ZCWPW2: variants seen among roughly 807,000 people sequenced by gnomAD.
ZCWPW2 encodes zinc finger CW-type and PWWP domain containing 2.
ZCWPW2 carries 45 observed loss-of-function variants against 46.6 expected under a neutral mutation model. That is an observed-to-expected ratio of 0.96 (90% CI 0.76 to 1.24). ZCWPW2 has a LOEUF of 1.24. Among genes scored for constraint, ZCWPW2 ranks in the 50% most tolerant of loss-of-function variants. The pLI, the probability that ZCWPW2 is intolerant of heterozygous loss-of-function variation, is 0.00. For missense variants in ZCWPW2, 429 were observed against 403.9 expected (o/e 1.06, Z -0.53); for synonymous variants, 152 against 137.1 (o/e 1.11, Z -0.76).
chr3:28,473,286 C>T (rs1219899448), intron 4 of ZCWPW2, among the ~76,000 whole-genome samples: 1 of 152,022 alleles, frequency 6.6e-6, no homozygotes, highest in East Asian at 1.9e-4. Flanking sequence ...GACCAGCCCG[C>T]CCAACATGAC....
chr3:28,475,867 C>T (rs929430126), intron 4 of ZCWPW2, among the ~76,000 whole-genome samples: 6 of 152,118 alleles, frequency 3.9e-5, no homozygotes, highest in African/African-American at 1.4e-4. Flanking sequence ...ATCACCCTGA[C>T]TTTGCCTTAC....
At chr3:28,350,688 CAAATA>C (rs1391988185) in intron 1 of ZCWPW2, among the ~76,000 whole-genome samples, 1 of 149,164 alleles carries the variant, frequency 6.7e-6, no homozygotes, top group Admixed American at 6.7e-5. Context: ...TTAACTTTCT[CAAATA>C]AAATAAATTG....
At chr3:28,490,286 A>T (rs1218078341) in intron 5 of ZCWPW2, among the ~76,000 whole-genome samples, 2 of 152,276 alleles carry the variant, frequency 1.3e-5, no homozygotes, top group East Asian at 3.9e-4. Flanking sequence ...TTAAAACAGA[A>T]CCATCATTTG....
intron 2 of ZCWPW2, among the ~76,000 whole-genome samples, chr3:28,401,498 G>A (rs1695934470): frequency 6.6e-6 from 1 of 152,138 alleles, no homozygotes; most frequent in South Asian, 2.1e-4. Context: ...GGGGACTTCA[G>A]TACTCCACTG....
At chr3:28,379,250 A>T (rs1425522178) in intron 1 of ZCWPW2, among the ~76,000 whole-genome samples, 1 of 152,214 alleles carries the variant, frequency 6.6e-6, no homozygotes, top group Non-Finnish European at 1.5e-5. Context: ...GAAGTGATGG[A>T]GATATCCTTG....
intron 6 of ZCWPW2, among the ~76,000 whole-genome samples, chr3:28,501,783 C>CT (rs576938968): frequency 1.4e-4 from 22 of 152,198 alleles, no homozygotes; most frequent in African/African-American, 4.8e-4. Flanking sequence ...TGAGACAAGG[C>CT]TGTCGCCCAG....
At chr3:28,453,771 A>G (rs1337206270) in intron 4 of ZCWPW2, among the ~76,000 whole-genome samples, 1 of 151,202 alleles carries the variant, frequency 6.6e-6, no homozygotes, top group Non-Finnish European at 1.5e-5. Context: ...TCAAAATCGT[A>G]TAATTGTGAA....
At chr3:28,434,690 TC>T (rs1192527488) in intron 3 of ZCWPW2, among the ~76,000 whole-genome samples, 1 of 152,194 alleles carries the variant, frequency 6.6e-6, no homozygotes, top group Non-Finnish European at 1.5e-5. Context: ...ACCAGCTCTC[TC>T]CCACGCCATC....
intron 4 of ZCWPW2, 50 bp from the exon 5 acceptor site, chr3:28,478,764 A>G (rs1466402774): frequency 4.0e-6 from 4 of 989,010 alleles, no homozygotes; most frequent in Non-Finnish European, 5.6e-6. Context: ...TTTTAAAACA[A>G]AGTTATATAT....
At chr3:28,377,597 A>G (rs994827147) in intron 1 of ZCWPW2, among the ~76,000 whole-genome samples, 1 of 152,102 alleles carries the variant, frequency 6.6e-6, no homozygotes, top group African/African-American at 2.4e-5. Flanking sequence ...CCATGACAAT[A>G]TAACTTAAAT....
intron 1 of ZCWPW2, among the ~76,000 whole-genome samples, chr3:28,382,812 A>G (rs1001310628): frequency 6.6e-6 from 1 of 152,132 alleles, no homozygotes; most frequent in Non-Finnish European, 1.5e-5. Flanking sequence ...GGGTACATAG[A>G]TATTATATTA....
chr3:28,496,820 C>T (rs139876130), intron 6 of ZCWPW2, among the ~76,000 whole-genome samples: 553 of 151,576 alleles, frequency 3.6e-3, no homozygotes, highest in Non-Finnish European at 5.8e-3. Context: ...ATATTCAATA[C>T]GATCTCTGGT....
chr3:28,427,837 T>C (rs1697079669), intron 3 of ZCWPW2: 1 of 152,236 alleles, frequency 6.6e-6, no homozygotes, highest in African/African-American at 2.4e-5. Context: ...TAATTTGATA[T>C]TGCTTGACAA....
intron 5 of ZCWPW2, among the ~76,000 whole-genome samples, chr3:28,490,922 G>A (rs1038634974): frequency 2.0e-5 from 3 of 152,106 alleles, no homozygotes; most frequent in Non-Finnish European, 2.9e-5. Context: ...AAGGTAAAAT[G>A]TATATTTCAG....
intron 1 of ZCWPW2, among the ~76,000 whole-genome samples, chr3:28,358,301 G>A (rs555746629): frequency 2.2e-4 from 33 of 151,982 alleles, no homozygotes; most frequent in Non-Finnish European, 4.1e-4. Context: ...TAATATAGCC[G>A]AGCCTCTTTC....
At chr3:28,514,223 G>A (rs73048818) in intron 7 of ZCWPW2, 101 bp downstream of exon 7, 189 of 736,568 alleles carry the variant, frequency 2.6e-4, no homozygotes, top group Middle Eastern at 5.3e-4. Flanking sequence ...ACATCTTTAC[G>A]TCTAGTCAAC....
chr3:28,488,208 A>C (rs1321032246), intron 5 of ZCWPW2, among the ~76,000 whole-genome samples: 1 of 152,130 alleles, frequency 6.6e-6, no homozygotes, highest in Non-Finnish European at 1.5e-5. Context: ...TTTGTCAATT[A>C]AAGTTCAGGT....
At chr3:28,460,010 C>G (rs1698565690) in intron 4 of ZCWPW2, among the ~76,000 whole-genome samples, 1 of 152,136 alleles carries the variant, frequency 6.6e-6, no homozygotes, top group South Asian at 2.1e-4. Flanking sequence ...TTATCATAAA[C>G]TGCTTCATTT....
chr3:28,457,320 C>A (rs1698463768), intron 4 of ZCWPW2, among the ~76,000 whole-genome samples: 2 of 152,178 alleles, frequency 1.3e-5, no homozygotes, highest in South Asian at 4.1e-4. Flanking sequence ...AACATAGAAT[C>A]TGAGCACCTG....
Sources: gnomAD v4.1 joint callset for allele counts (sites outside exome capture counted in the v4.1 genomes callset) on GRCh38, gnomAD v4.1.1 for gene constraint, MANE v1.5 for transcripts, NCBI Gene and HGNC (gene_info 2026-07-23, HGNC 2026-07-21) for gene names.